The following XPR1 variants were observed in gnomAD, a reference collection of about 807,000 sequenced individuals.
XPR1 encodes solute carrier family 53 member 1.
A neutral mutation model predicts 87.5 loss-of-function variants in XPR1; 28 were observed. The ratio of observed to expected loss-of-function variants is 0.32; its 90% CI spans 0.24 to 0.44. The LOEUF (loss-of-function observed/expected upper bound fraction) is 0.44. Ranked by LOEUF, XPR1 falls within the 20% of genes least tolerant of loss-of-function variation. XPR1 has a pLI of 1.00. For missense variants in XPR1, 559 were observed against 862.3 expected (o/e 0.65, Z 4.41); for synonymous variants, 300 against 306.1 (o/e 0.98, Z 0.21).
chr1:180,702,963 A>G (rs192477296), intron 2 of XPR1, among the ~76,000 whole-genome samples: 8 of 152,216 alleles, frequency 5.3e-5, no homozygotes, highest in Admixed American at 3.3e-4. Flanking sequence ...CTGTAGGCAT[A>G]ACTGTAGTGT....
chr1:180,841,249 A>G (rs1651505023), intron 11 of XPR1, among the ~76,000 whole-genome samples: 1 of 152,150 alleles, frequency 6.6e-6, no homozygotes, highest in Admixed American at 6.5e-5. Flanking sequence ...TCTAAGCTGT[A>G]TCCTATTGTT....
At chr1:180,873,138 A>C (rs1053149485) in intron 12 of XPR1, among the ~76,000 whole-genome samples, 1 of 152,218 alleles carries the variant, frequency 6.6e-6, no homozygotes, top group African/African-American at 2.4e-5. Context: ...GAGCAAATCT[A>C]TGAATTATAT....
chr1:180,680,493 G>A (rs1399415677), intron 1 of XPR1, among the ~76,000 whole-genome samples: 2 of 149,990 alleles, frequency 1.3e-5, no homozygotes, highest in Admixed American at 6.8e-5. Context: ...AGCCTCCCGA[G>A]TAGCTGGGAC....
At chr1:180,703,890 G>A (rs1169393499) in intron 2 of XPR1, among the ~76,000 whole-genome samples, 1 of 152,106 alleles carries the variant, frequency 6.6e-6, no homozygotes, top group Non-Finnish European at 1.5e-5. Context: ...TATGAGGTTA[G>A]GGGCTACCAT....
intron 2 of XPR1, among the ~76,000 whole-genome samples, chr1:180,748,227 C>T (rs1190609934): frequency 1.3e-5 from 2 of 151,928 alleles, no homozygotes; most frequent in Non-Finnish European, 2.9e-5. Context: ...CTTATACCAG[C>T]TCACAAGAGC....
chr1:180,801,166 C>T (rs753980045), intron 3 of XPR1, among the ~76,000 whole-genome samples: 2 of 152,200 alleles, frequency 1.3e-5, no homozygotes, highest in South Asian at 2.1e-4. Flanking sequence ...ATTGAATGTG[C>T]ATTGCAATCA....
chr1:180,707,982 C>T lies in XPR1; in HGVS notation c.121+25571C>T, dbSNP rs898988625. On this transcript the variant is annotated intron_variant, in intron 2 of 14. Transcript: ENST00000367590. ...CATTTCTTGTTGAGGTCTTTTAGAA[C>T]GCCTAGTTGGAAATTTAAATAAAAC... Among the ~76,000 whole-genome samples, 9 of 152,000 alleles carry T rather than the reference C, an allele frequency of 5.9e-5. 1 individual carries two copies. The highest frequency in any genetic ancestry group is 1.2e-4 in the Non-Finnish European group (8 of 68,006).
At chr1:180,847,383 A>G (rs1304483897) in intron 11 of XPR1, among the ~76,000 whole-genome samples, 1 of 152,214 alleles carries the variant, frequency 6.6e-6, no homozygotes, top group Admixed American at 6.5e-5. Context: ...TTCCAGTAAG[A>G]ATTTTAAAAG....
chr1:180,801,266 C>T (rs1463973217), intron 3 of XPR1, among the ~76,000 whole-genome samples: 4 of 152,194 alleles, frequency 2.6e-5, no homozygotes, highest in Non-Finnish European at 4.4e-5. Flanking sequence ...TGCAGGTGCT[C>T]TCCTCACTAA....
chr1:180,677,235 A>G (rs1358683773), intron 1 of XPR1, among the ~76,000 whole-genome samples: 3 of 152,230 alleles, frequency 2.0e-5, no homozygotes, highest in Admixed American at 6.5e-5. Flanking sequence ...CTGCCTAGAC[A>G]GAGCCAATTT....
chr1:180,825,126 AT>A (rs1558026734), intron 8 of XPR1, 38 bp from the exon 9 acceptor site: 1 of 1,552,686 alleles, frequency 6.4e-7, no homozygotes, highest in Admixed American at 2.2e-5. Flanking sequence ...AAAAATAACA[AT>A]TTTTCTCTAT....
At position 180,868,524 on chromosome 1, in the gene XPR1, C is replaced by T. The variant is rs1012262265; in HGVS notation, c.1668+4650C>T. On this transcript the variant is annotated intron_variant, in intron 12 of 14. Coordinates refer to ENST00000367590, the MANE Select transcript of XPR1 (RefSeq NM_004736.4). ...GTTTGTAGTTCTCCTTGAAGATGTC[C>T]TTCACATCCCTTGTAAGTTGGATTC... is the stretch of plus-strand genomic sequence containing the variant. 2.7e-5 allele frequency among the ~76,000 whole-genome samples: 2 copies of T among 73,082 alleles called. 1 individual carries two copies. Among genetic ancestry groups the T allele is most frequent in the African/African-American group, 1.2e-4 (2 of 16,440 alleles). 47.9% of individuals were successfully genotyped at this position (73,082 alleles called of 152,430 possible). A position where few individuals can be genotyped will look rare whatever the true frequency, so the allele number is the denominator to read the frequency against.
chr1:180,652,187 G>A (rs1398315561), intron 1 of XPR1, among the ~76,000 whole-genome samples: 1 of 152,148 alleles, frequency 6.6e-6, no homozygotes, highest in African/African-American at 2.4e-5. Flanking sequence ...AGCTACTTGG[G>A]AGGCTGAGGC....
intron 9 of XPR1, among the ~76,000 whole-genome samples, chr1:180,833,591 G>T (rs1651156788): frequency 6.6e-6 from 1 of 152,110 alleles, no homozygotes; most frequent in Non-Finnish European, 1.5e-5. Flanking sequence ...AGAGACAAGG[G>T]CATTACATAA....
rs149200588 is a variant in XPR1, at chr1:180,834,930, G to A, written c.1191G>A (p.Ala397=). The change falls in exon 10 of 15, where the codon GCG becomes GCA. Residue 397 remains alanine (A), a synonymous_variant. Coordinates refer to ENST00000367590, the MANE Select transcript of XPR1 (RefSeq NM_004736.4). Reference sequence around the variant, plus strand: ...TAGGCTTTGCTGATTTCTGGCTGGCGGATCAGCTGAACAGCCTGTCAGTGA... The same window carrying A: ...TAGGCTTTGCTGATTTCTGGCTGGCAGATCAGCTGAACAGCCTGTCAGTGA... ...HKVGFADFWL[A]DQLNSLSVIL... The A allele has an allele frequency of 9.4e-5, 152 of 1,613,648 alleles. No individual in the cohort carries two copies. Among genetic ancestry groups the A allele is most frequent in the Admixed American group, 4.0e-4 (24 of 59,948 alleles).
chr1:180,776,210 T>C (rs1648709717), intron 2 of XPR1, among the ~76,000 whole-genome samples: 1 of 147,744 alleles, frequency 6.8e-6, no homozygotes, highest in East Asian at 1.9e-4. Flanking sequence ...ATAATCACCA[T>C]GTGGCTTTTG....
chr1:180,738,422 G>A (rs1658800431), intron 2 of XPR1, among the ~76,000 whole-genome samples: 1 of 152,138 alleles, frequency 6.6e-6, no homozygotes, highest in South Asian at 2.1e-4. Flanking sequence ...ATTTGATACT[G>A]TTAGTATGTT....
At chr1:180,821,056 T>C (rs1440862611) in intron 7 of XPR1, among the ~76,000 whole-genome samples, 2 of 152,176 alleles carry the variant, frequency 1.3e-5, no homozygotes, top group Non-Finnish European at 2.9e-5. Flanking sequence ...TAAATTTTGA[T>C]GAAGTCTCAT....
intron 3 of XPR1, among the ~76,000 whole-genome samples, chr1:180,793,780 T>TA (rs547350769): frequency 5.9e-4 from 90 of 152,038 alleles, no homozygotes; most frequent in African/African-American, 1.8e-3. Context: ...TTTATTTTGT[T>TA]AAAAAAAAGT....
Sources: allele counts gnomAD v4.1 joint callset (sites outside exome capture counted in the v4.1 genomes callset), GRCh38; gene constraint gnomAD v4.1.1; transcripts MANE v1.5; gene names NCBI Gene and HGNC (gene_info 2026-07-23, HGNC 2026-07-21).